The following CLNK variants were observed in gnomAD, a reference collection of about 807,000 sequenced individuals.
The protein encoded by CLNK is cytokine dependent hematopoietic cell linker.
In CLNK, 74 loss-of-function variants were observed where a neutral mutation model predicts 68.6. That is an observed-to-expected ratio of 1.08 (90% CI 0.89 to 1.31). CLNK has a LOEUF of 1.31. CLNK is among the 50% of genes most tolerant of loss of function. The probability of loss-of-function intolerance (pLI) is 0.00; values close to 1 mark genes in which losing one functional copy is unlikely to be tolerated. For missense variants in CLNK, 553 were observed against 515.3 expected (o/e 1.07, Z -0.71); for synonymous variants, 198 against 172.2 (o/e 1.15, Z -1.17).
At chr4:10,675,368 G>A (rs1389404629) in intron 1 of CLNK, among the ~76,000 whole-genome samples, 1 of 152,156 alleles carries the variant, frequency 6.6e-6, no homozygotes, top group Non-Finnish European at 1.5e-5. Context: ...TTTATAAATA[G>A]GCTGGATTTT....
the CLNK span, among the ~76,000 whole-genome samples, chr4:10,695,585 A>G: frequency 2.6e-5 from 4 of 152,176 alleles, no homozygotes; most frequent in Non-Finnish European, 5.9e-5. Flanking sequence ...AGGGCCTCCC[A>G]GATCTTATGA....
At chr4:10,582,850 T>G (rs1343907853) in intron 4 of CLNK, among the ~76,000 whole-genome samples, 1 of 152,158 alleles carries the variant, frequency 6.6e-6, no homozygotes, top group East Asian at 1.9e-4. Flanking sequence ...AAGTCACTCA[T>G]ACACATACAC....
At chr4:10,549,043 G>A (rs2108813039) in intron 8 of CLNK, among the ~76,000 whole-genome samples, 1 of 152,288 alleles carries the variant, frequency 6.6e-6, no homozygotes, top group East Asian at 1.9e-4. Context: ...TGTGTCCTGT[G>A]TCTTCATTAT....
the CLNK span, among the ~76,000 whole-genome samples, chr4:10,727,516 T>C: frequency 6.6e-6 from 1 of 152,256 alleles, no homozygotes; most frequent in East Asian, 1.9e-4. Flanking sequence ...GATACAGCTA[T>C]TTATGCATAC....
At chr4:10,591,190 T>G (rs973850633) in intron 3 of CLNK, among the ~76,000 whole-genome samples, 1 of 152,178 alleles carries the variant, frequency 6.6e-6, no homozygotes, top group Non-Finnish European at 1.5e-5. Flanking sequence ...TGCTTAGAAC[T>G]GTGTCTCACA....
the CLNK span, among the ~76,000 whole-genome samples, chr4:10,711,215 C>T: frequency 6.6e-6 from 1 of 152,186 alleles, no homozygotes; most frequent in African/African-American, 2.4e-5. Context: ...TCAACTGACT[C>T]ATTGCACTAA....
At chr4:10,591,307 T>A (rs1166365926) in intron 3 of CLNK, among the ~76,000 whole-genome samples, 1 of 152,232 alleles carries the variant, frequency 6.6e-6, no homozygotes, top group East Asian at 1.9e-4. Context: ...TTGTTTCCCA[T>A]GTGGCCACCA....
At chr4:10,685,304 T>C (rs551753839), upstream of CLNK, among the ~76,000 whole-genome samples, 8 of 152,194 alleles carry the variant, frequency 5.3e-5, no homozygotes, top group Non-Finnish European at 8.8e-5. Flanking sequence ...ATTTGTATTT[T>C]AGAAACTTTT....
the CLNK span, among the ~76,000 whole-genome samples, chr4:10,726,134 A>T: frequency 6.6e-6 from 1 of 152,042 alleles, no homozygotes; most frequent in African/African-American, 2.4e-5. Context: ...TTCTGCTAGC[A>T]TCACCCTAGA....
At position 10,542,235 on chromosome 4, in the gene CLNK, A is replaced by G. The variant is rs1279322420; in HGVS notation, c.471+20T>C. 1.4e-6 allele frequency: 2 copies of G among 1,463,242 alleles called. No homozygotes were observed. Among genetic ancestry groups the G allele is most frequent in the Non-Finnish European group, 1.9e-6 (2 of 1,063,940 alleles). 90.6% of individuals were successfully genotyped at this position (1,463,242 alleles called of 1,614,324 possible). A position where few individuals can be genotyped will look rare whatever the true frequency, so the allele number is the denominator to read the frequency against. ...AAAGTAAATAATGAATAACAAATGC[A>G]TTTTATTGATTTCTCTTACCTTGTT... On this transcript the variant is annotated intron_variant, in intron 9 of 18. Coordinates refer to ENST00000226951, the MANE Select transcript of CLNK (RefSeq NM_052964.4).
chr4:10,540,060 C>T (rs923740632), intron 11 of CLNK, among the ~76,000 whole-genome samples: 2 of 152,192 alleles, frequency 1.3e-5, no homozygotes, highest in Non-Finnish European at 2.9e-5. Context: ...ACCCAAAGCT[C>T]ATCTTTAATT....
In CLNK at chr4:10,553,907, A is replaced by C. The variant is rs554986575; in HGVS notation, c.445+4500T>G. Among the ~76,000 whole-genome samples the C allele has an allele frequency of 3.9e-5, 6 of 152,316 alleles. No homozygotes were observed. In the East Asian group the frequency reaches 1.2e-3, roughly 29 times the overall value. On this transcript the variant is annotated intron_variant, in intron 8 of 18. Coordinates refer to ENST00000226951, the MANE Select transcript of CLNK (RefSeq NM_052964.4). ...CATTGCTGTTCCTTATACTTAGCTG[A>C]AAGTAAAGAGCTGGGGCTGCTTAAA...
At chr4:10,559,389 TA>T (rs917356204) in intron 7 of CLNK, among the ~76,000 whole-genome samples, 7 of 152,162 alleles carry the variant, frequency 4.6e-5, no homozygotes, top group Non-Finnish European at 7.4e-5. Flanking sequence ...TTGGTTGGAT[TA>T]TTTTTTTTTA....
chr4:10,670,008 C>A (rs1724567366), intron 1 of CLNK, among the ~76,000 whole-genome samples: 1 of 152,184 alleles, frequency 6.6e-6, no homozygotes, highest in Non-Finnish European at 1.5e-5. Context: ...TGTTCAGTTC[C>A]AGTGCTGCCA....
At chr4:10,535,286 G>A (rs535033728) in intron 11 of CLNK, among the ~76,000 whole-genome samples, 100 of 143,348 alleles carry the variant, frequency 7.0e-4, no homozygotes, top group African/African-American at 2.5e-3. Flanking sequence ...GCCATAGTTA[G>A]GCAAGTGGGT....
At chr4:10,564,960 T>G (rs1342368401) in intron 6 of CLNK, among the ~76,000 whole-genome samples, 183 bp from the exon 7 acceptor site, 1 of 152,216 alleles carries the variant, frequency 6.6e-6, no homozygotes, top group Non-Finnish European at 1.5e-5. Flanking sequence ...CTCATCTCAG[T>G]GCACACAAAA....
intron 4 of CLNK, among the ~76,000 whole-genome samples, chr4:10,577,823 T>C (rs192043019): frequency 6.6e-6 from 1 of 152,282 alleles, no homozygotes; most frequent in East Asian, 1.9e-4. Context: ...TAAGCCCCAT[T>C]TTTTTAAATG....
chr4:10,694,699 C>T, the CLNK span, among the ~76,000 whole-genome samples: 2 of 152,054 alleles, frequency 1.3e-5, no homozygotes, highest in East Asian at 1.9e-4. Context: ...AGAACTCACC[C>T]GAGTCACTTA....
intron 6 of CLNK, 81 bp downstream of exon 6, chr4:10,565,928 A>G (rs1420600687): frequency 4.1e-6 from 6 of 1,472,364 alleles, no homozygotes; most frequent in Non-Finnish European, 5.5e-6. Context: ...TGTTTAATTC[A>G]GAAACCGCAC....
Sources: gnomAD v4.1 joint callset for allele counts (sites outside exome capture counted in the v4.1 genomes callset) on GRCh38, gnomAD v4.1.1 for gene constraint, MANE v1.5 for transcripts, NCBI Gene and HGNC (gene_info 2026-07-23, HGNC 2026-07-21) for gene names.